Variants in PPP2R1B observed in about 807,000 individuals in gnomAD.
PPP2R1B encodes the protein serine/threonine-protein phosphatase 2A 65 kDa regulatory subunit A beta isoform.
Under a neutral mutation model 72.7 loss-of-function variants are expected in PPP2R1B, and 58 were observed. That is an observed-to-expected ratio of 0.80 (90% CI 0.65 to 0.99). The LOEUF (loss-of-function observed/expected upper bound fraction) is 0.99. PPP2R1B is among the 50% of genes least tolerant of loss of function. The pLI is 0.00. For missense variants in PPP2R1B, 695 were observed against 733.6 expected (o/e 0.95, Z 0.61); for synonymous variants, 256 against 264.6 (o/e 0.97, Z 0.32).
intron 7 of PPP2R1B, 68 bp downstream of exon 7, chr11:111,754,912 A>T (rs903263765): frequency 2.8e-6 from 4 of 1,410,600 alleles, no homozygotes; most frequent in Admixed American, 4.1e-5. Flanking sequence ...AAAACATGCA[A>T]AATTGACTAA....
chr11:111,726,943 TTC>T lies in PPP2R1B; in HGVS notation c.*20_*21del, dbSNP rs145597836. The T allele has an allele frequency of 8.2e-3, 13,124 of 1,609,196 alleles. 69 individuals are homozygous for T. The highest frequency in any genetic ancestry group is 0.025 in the Middle Eastern group (149 of 6,048). Reference sequence around the variant, plus strand: ...TATGTGTGGTACTTTATTTTTTATGTTCTTTTTTTAAATCTGGGGTATTAGTC... The same window carrying T: ...TATGTGTGGTACTTTATTTTTTATGTTTTTTTTAAATCTGGGGTATTAGTC... On this transcript the variant is annotated 3_prime_UTR_variant, in exon 16 of 16. Transcript: ENST00000311129.
chr11:111,690,403 G>GT, the PPP2R1B span, among the ~76,000 whole-genome samples: 24 of 145,398 alleles, frequency 1.7e-4, no homozygotes, highest in South Asian at 1.8e-3. Flanking sequence ...TCTAGGAGTT[G>GT]TTTTTTTTTC....
chr11:111,742,938 G>T (rs1379111106), intron 12 of PPP2R1B, among the ~76,000 whole-genome samples: 3 of 150,730 alleles, frequency 2.0e-5, no homozygotes, highest in African/African-American at 4.9e-5. Context: ...GGAGTGTAGT[G>T]GCGCGATCTC....
chr11:111,714,754 C>T, the PPP2R1B span, among the ~76,000 whole-genome samples: 2 of 152,114 alleles, frequency 1.3e-5, no homozygotes, highest in East Asian at 1.9e-4. Flanking sequence ...CAGCTCAGTG[C>T]GAGGCTGCCA....
In PPP2R1B at chr11:111,738,955, C is replaced by T. The variant is rs1190253874; in HGVS notation, c.*2641G>A. On this transcript the variant is annotated 3_prime_UTR_variant, in exon 15 of 15. Transcript: ENST00000527614. The stretch of plus-strand genomic sequence containing the variant: ...TTCATTTTTCTAATCAAACAAACAA[C>T]TGATGTAAGCTGCCAAGGATGAAAA... 2.0e-6 allele frequency: 2 copies of T among 981,128 alleles called. No homozygotes were observed. The highest frequency in any genetic ancestry group is 2.4e-6 in the Non-Finnish European group (2 of 829,464). The allele number at this position is 981,128 out of a possible 1,614,324, so 60.8% of individuals were successfully genotyped here. A position where few individuals can be genotyped will look rare whatever the true frequency, so the allele number is the denominator to read the frequency against.
rs1332884538 is a variant in PPP2R1B, at chr11:111,738,927, T to G, written c.*2669A>C. ...GTGTGTGTGTGTGTGTGTGTGTGTC[T>G]GCTTCATTTTTCTAATCAAACAAAC... On this transcript the variant is annotated 3_prime_UTR_variant, in exon 15 of 15. Coordinates refer to ENST00000527614, the MANE Select transcript of PPP2R1B (RefSeq NM_002716.5). 1 of 983,882 alleles carries G rather than the reference T, an allele frequency of 1.0e-6. No individual in the cohort carries two copies. The highest frequency in any genetic ancestry group is 1.2e-6 in the Non-Finnish European group (1 of 829,808). 60.9% of individuals were successfully genotyped at this position (983,882 alleles called of 1,614,324 possible).
rs184363307 is a variant in PPP2R1B at position 111,732,472 on chromosome 11, T to C, written c.1911+4976A>G. 7.3e-3 allele frequency among the ~76,000 whole-genome samples: 1,118 copies of C among 152,190 alleles called. 8 individuals carry two copies. Among genetic ancestry groups the C allele is most frequent in the Middle Eastern group, 0.054 (16 of 294 alleles). On this transcript the variant is annotated intron_variant, in intron 15 of 15. Transcript: ENST00000311129. ...TTGGGAGGCAGAGGCAGGTGGATCA[T>C]CTGAGGTCAGGAGTTCAAGACCAGC...
chr11:111,707,610 TTTTGAG>T, the PPP2R1B span, among the ~76,000 whole-genome samples: 2 of 152,198 alleles, frequency 1.3e-5, no homozygotes, highest in Non-Finnish European at 2.9e-5. Flanking sequence ...AGATTTCACA[TTTTGAG>T]TTTTAGTGTT....
chr11:111,744,882 CT>C (rs1417765189), intron 11 of PPP2R1B, among the ~76,000 whole-genome samples: 1 of 152,130 alleles, frequency 6.6e-6, no homozygotes, highest in Non-Finnish European at 1.5e-5. Flanking sequence ...GAGAAGCAAC[CT>C]TTCGGTAAGA....
chr11:111,721,820 T>C, the PPP2R1B span: 1 of 1,599,500 alleles, frequency 6.3e-7, no homozygotes, highest in Non-Finnish European at 8.5e-7. Context: ...TCCACCCCCT[T>C]GCTCCTCAGG....
rs782635142 is a variant in PPP2R1B, at chr11:111,752,249, G to T, written c.1248C>A (p.Leu416=). Residue 416 remains leucine (L), a synonymous_variant, in exon 10 of 15, where the codon CTC becomes CTA. Coordinates refer to ENST00000527614, the MANE Select transcript of PPP2R1B (RefSeq NM_002716.5). Reference sequence around the variant, plus strand: ...CTGCCAGCTCCACTATGGCAGGAAGGAGAGACTGAGAGAGCTGACGGATTC... The same window carrying T: ...CTGCCAGCTCCACTATGGCAGGAAGTAGAGACTGAGAGAGCTGACGGATTC... ...VIGIRQLSQS[L]LPAIVELAED... is the part of the protein sequence containing the mutation. The T allele has an allele frequency of 6.2e-7, 1 of 1,614,114 alleles. No individual in the cohort carries two copies. Among genetic ancestry groups the T allele is most frequent in the Admixed American group, 1.7e-5 (1 of 60,006 alleles).
the PPP2R1B span, among the ~76,000 whole-genome samples, chr11:111,696,545 T>C: frequency 1.3e-5 from 2 of 152,170 alleles, no homozygotes; most frequent in Non-Finnish European, 2.9e-5. Context: ...ATAGCCATAG[T>C]TTTAGGTATT....
chr11:111,711,238 CCTCCCAAGTAGCTGGGA>C, the PPP2R1B span, among the ~76,000 whole-genome samples: 2 of 151,900 alleles, frequency 1.3e-5, no homozygotes, highest in African/African-American at 4.8e-5. Context: ...CCTGCCTCAG[CCTCCCAAGTAGCTGGGA>C]CTACAGGCAC....
At chr11:111,708,394 A>G in the PPP2R1B span, among the ~76,000 whole-genome samples, 1 of 152,104 alleles carries the variant, frequency 6.6e-6, no homozygotes, top group Admixed American at 6.5e-5. Context: ...AAAGTAAAAC[A>G]TAAAAAAAAA....
At position 111,752,264 on chromosome 11, in the gene PPP2R1B, CT is replaced by C; in HGVS notation, c.1232del (p.Gln411ArgfsTer10). 1 of 1,614,064 alleles carries C rather than the reference CT, an allele frequency of 6.2e-7. No homozygotes were observed. The highest frequency in any genetic ancestry group is 8.5e-7 in the Non-Finnish European group (1 of 1,179,988). ...DCVNEVIGIR[Q>X]LSQSLLPAIV... ...TGGCAGGAAGGAGAGACTGAGAGAGCTGACGGATTCCAATCACTTCATTTAC... is the reference window on the plus strand; with the variant it reads ...TGGCAGGAAGGAGAGACTGAGAGAGCGACGGATTCCAATCACTTCATTTAC... On this transcript the variant is annotated frameshift_variant, in exon 10 of 15. Transcript: ENST00000527614. LOFTEE classifies it high-confidence loss of function.
At chr11:111,701,048 T>C in the PPP2R1B span, 4 of 1,591,414 alleles carry the variant, frequency 2.5e-6, no homozygotes, top group Non-Finnish European at 3.4e-6. The surrounding 1 kb of genome is among the most constrained non-coding windows in gnomAD (Gnocchi z 4.2). Flanking sequence ...AATGCATCTA[T>C]ACTGATAATA....
chr11:111,737,321 T>A, downstream of PPP2R1B: 4 of 1,417,650 alleles, frequency 2.8e-6, no homozygotes, highest in Non-Finnish European at 3.8e-6. Flanking sequence ...ATTGGACTCT[T>A]CCCCTGGGGA....
the PPP2R1B span, chr11:111,703,154 GAAGTGC>G: frequency 1.3e-6 from 2 of 1,559,548 alleles, no homozygotes; most frequent in Admixed American, 3.4e-5. Context: ...AAATAACCCT[GAAGTGC>G]AAGGTGATTC....
At chr11:111,766,058 G>A (rs1322487558) in intron 1 of PPP2R1B, 190 bp downstream of exon 1, 1 of 624,746 alleles carries the variant, frequency 1.6e-6, no homozygotes. Context: ...GGTTACTAGA[G>A]AGGTACCCGG....
Sources: allele counts gnomAD v4.1 joint callset (sites outside exome capture counted in the v4.1 genomes callset), GRCh38; gene constraint gnomAD v4.1.1; non-coding constraint Gnocchi (gnomAD v3.1); transcripts MANE v1.5; gene names NCBI Gene and HGNC (gene_info 2026-07-23, HGNC 2026-07-21).